Variants in AKAP19 observed in about 807,000 individuals in gnomAD.
AKAP19 encodes A-kinase anchoring protein 19, also known as small A-kinase anchoring protein.
At chr2:190,067,354 G>A in the AKAP19 span, among the ~76,000 whole-genome samples, 7 of 152,150 alleles carry the variant, frequency 4.6e-5, no homozygotes, top group African/African-American at 1.7e-4. Context: ...TCCCCAGACT[G>A]TACTTGGAGA....
chr2:190,083,339 C>G, the AKAP19 span, among the ~76,000 whole-genome samples: 2 of 143,894 alleles, frequency 1.4e-5, no homozygotes, highest in Non-Finnish European at 3.1e-5. Context: ...TCGTGCTACT[C>G]TCCAAGCTGG....
the AKAP19 span, among the ~76,000 whole-genome samples, chr2:190,142,118 A>G: frequency 1.3e-5 from 2 of 152,132 alleles, no homozygotes; most frequent in Admixed American, 6.5e-5. Flanking sequence ...AGTCGGTCAT[A>G]TTGGTTCCAA....
At chr2:189,979,781 A>G in the AKAP19 span, among the ~76,000 whole-genome samples, 1 of 152,214 alleles carries the variant, frequency 6.6e-6, no homozygotes, top group South Asian at 2.1e-4. Flanking sequence ...GACACTTCTC[A>G]AAAGAAGACA....
chr2:189,914,766 A>G, the AKAP19 span, among the ~76,000 whole-genome samples: 1 of 152,108 alleles, frequency 6.6e-6, no homozygotes, highest in South Asian at 2.1e-4. Context: ...TATGAAAGGT[A>G]TTGTGTGAGG....
chr2:189,893,548 C>T, the AKAP19 span, among the ~76,000 whole-genome samples: 139 of 152,322 alleles, frequency 9.1e-4, 1 homozygote, highest in Non-Finnish European at 1.8e-3. Flanking sequence ...ATGGGCTGCA[C>T]CTGCTTTCTA....
chr2:190,160,646 A>C, the AKAP19 span, among the ~76,000 whole-genome samples: 1 of 152,150 alleles, frequency 6.6e-6, no homozygotes, highest in African/African-American at 2.4e-5. Context: ...CTGATTCAGG[A>C]AAGTGATATT....
the AKAP19 span, among the ~76,000 whole-genome samples, chr2:190,070,279 C>G: frequency 6.6e-6 from 1 of 151,988 alleles, no homozygotes; most frequent in African/African-American, 2.4e-5. Context: ...TATATAACAT[C>G]ATTACTTAAC....
chr2:189,931,186 GGTGGTTTGTGAA>G, the AKAP19 span, among the ~76,000 whole-genome samples: 8 of 22,932 alleles, frequency 3.5e-4, no homozygotes, highest in East Asian at 0.025. Flanking sequence ...AAACAGTTAT[GGTGGTTTGTGAA>G]ATGGTGGTTT....
chr2:189,884,978 T>C, the AKAP19 span, among the ~76,000 whole-genome samples: 3 of 152,348 alleles, frequency 2.0e-5, no homozygotes, highest in South Asian at 4.1e-4. Flanking sequence ...AATAATCAGA[T>C]TAATGAATCT....
chr2:190,067,194 A>T, the AKAP19 span, among the ~76,000 whole-genome samples: 1 of 152,310 alleles, frequency 6.6e-6, no homozygotes, highest in East Asian at 1.9e-4. Flanking sequence ...CAGAGTCATG[A>T]TGTCTTCATA....
chr2:190,181,050 C>T, the AKAP19 span: 22 of 985,580 alleles, frequency 2.2e-5, no homozygotes, highest in African/African-American at 3.5e-4. Flanking sequence ...CAGGCTGCCT[C>T]CGGGACCCCA....
the AKAP19 span, among the ~76,000 whole-genome samples, chr2:190,092,721 G>A: frequency 6.6e-6 from 1 of 152,180 alleles, no homozygotes; most frequent in Non-Finnish European, 1.5e-5. Context: ...TCTAACAGAA[G>A]TATTCAAAAG....
chr2:190,058,777 G>A, the AKAP19 span, among the ~76,000 whole-genome samples: 476 of 152,088 alleles, frequency 3.1e-3, 1 homozygote, highest in Non-Finnish European at 4.7e-3. Context: ...TTACTTACAA[G>A]TGCGAGCTAA....
the AKAP19 span, among the ~76,000 whole-genome samples, chr2:189,969,532 T>G: frequency 6.6e-6 from 1 of 151,864 alleles, no homozygotes; most frequent in African/African-American, 2.4e-5. Context: ...AGTTCACGAC[T>G]AGCCTGGCCA....
the AKAP19 span, among the ~76,000 whole-genome samples, chr2:190,079,747 G>T: frequency 2.6e-5 from 4 of 152,058 alleles, no homozygotes; most frequent in Admixed American, 2.0e-4. Flanking sequence ...GGAGGCAGAG[G>T]TTGCAGTGAG....
the AKAP19 span, among the ~76,000 whole-genome samples, chr2:189,928,547 A>C: frequency 6.6e-6 from 1 of 152,146 alleles, no homozygotes; most frequent in Non-Finnish European, 1.5e-5. Context: ...ATATAAATTA[A>C]TAAACAGAAA....
chr2:189,908,583 T>A, the AKAP19 span, among the ~76,000 whole-genome samples: 2 of 152,200 alleles, frequency 1.3e-5, no homozygotes, highest in African/African-American at 4.8e-5. Flanking sequence ...CTTAAGATAC[T>A]TTCTGATTTC....
chr2:190,128,905 A>G, the AKAP19 span, among the ~76,000 whole-genome samples: 1 of 152,354 alleles, frequency 6.6e-6, no homozygotes, highest in South Asian at 2.1e-4. Context: ...ATAGAAGACT[A>G]TGAATGATGT....
the AKAP19 span, among the ~76,000 whole-genome samples, chr2:189,961,027 T>C: frequency 6.6e-6 from 1 of 152,336 alleles, no homozygotes; most frequent in African/African-American, 2.4e-5. Context: ...GCCCAGTCTT[T>C]GAGCAGTATT....
Sources: allele counts gnomAD v4.1 joint callset (sites outside exome capture counted in the v4.1 genomes callset), GRCh38; gene constraint gnomAD v4.1.1; transcripts MANE v1.5; gene names NCBI Gene and HGNC (gene_info 2026-07-23, HGNC 2026-07-21).